AOAH: variants seen among roughly 807,000 people sequenced by gnomAD.
The protein encoded by AOAH is acyloxyacyl hydrolase.
AOAH carries 64 observed loss-of-function variants against 92.2 expected under a neutral mutation model. The ratio of observed to expected loss-of-function variants is 0.69; its 90% confidence interval spans 0.57 to 0.86. AOAH has a LOEUF of 0.86. Ranked by LOEUF, AOAH falls within the 40% of genes least tolerant of loss-of-function variation. AOAH has a pLI of 0.00. For missense variants in AOAH, 656 were observed against 694.6 expected, an observed-to-expected ratio of 0.94 and a Z score of 0.62; for synonymous variants, 263 against 254.5, an observed-to-expected ratio of 1.03 and a Z score of -0.32.
chr7:36,537,975 C>T (rs934891075), intron 16 of AOAH, among the ~76,000 whole-genome samples: 44 of 149,820 alleles, frequency 2.9e-4, no homozygotes, highest in African/African-American at 6.4e-4. Flanking sequence ...TTCCAAATTG[C>T]GTGGAGTCAT....
At chr7:36,606,926 A>AG (rs1791049582) in intron 11 of AOAH, among the ~76,000 whole-genome samples, 1 of 152,212 alleles carries the variant, frequency 6.6e-6, no homozygotes, top group African/African-American at 2.4e-5. Context: ...TTAAGAAGAA[A>AG]GGGAGCAGAC....
intron 12 of AOAH, among the ~76,000 whole-genome samples, chr7:36,578,459 C>G (rs1788690240): frequency 6.6e-6 from 1 of 152,166 alleles, no homozygotes; most frequent in Non-Finnish European, 1.5e-5. Flanking sequence ...GTGAGTCTCA[C>G]AGAACCAAAT....
rs903724670 is a variant in AOAH, at chr7:36,618,208, C to T, written c.751+89G>A. 1.5e-5 allele frequency: 17 copies of T among 1,136,982 alleles called. No individual in the cohort carries two copies. In the Admixed American group the frequency reaches 2.9e-4, roughly 20 times the overall value. The allele number at this position is 1,136,982 out of a possible 1,614,324, so 70.4% of individuals were successfully genotyped here. On this transcript the variant is annotated intron_variant, in intron 10 of 20. Transcript: ENST00000617537. ...AGTAAATCCTAGCATCAAGCACGTT[C>T]TGACTTAGGTGGTCTGCTCACTTCA...
At chr7:36,538,050 T>C (rs1785195170) in intron 16 of AOAH, among the ~76,000 whole-genome samples, 1 of 151,356 alleles carries the variant, frequency 6.6e-6, no homozygotes, top group African/African-American at 2.4e-5. Flanking sequence ...TTTGTTTGTT[T>C]GTTTTTCACT....
At chr7:36,721,077 C>T (rs1268638023) in intron 1 of AOAH, among the ~76,000 whole-genome samples, 9 of 152,132 alleles carry the variant, frequency 5.9e-5, no homozygotes, top group Non-Finnish European at 1.3e-4. Context: ...AGGTACACCC[C>T]AGGATCCCGT....
At position 36,530,527 on chromosome 7, in the gene AOAH, G is replaced by A. The variant is rs373194038; in HGVS notation, c.1426-13C>T. 1 of 1,556,092 alleles carries A rather than the reference G, an allele frequency of 6.4e-7. No individual in the cohort carries two copies. Among genetic ancestry groups the A allele is most frequent in the East Asian group, 2.2e-5 (1 of 44,572 alleles). On this transcript the variant is annotated splice_polypyrimidine_tract_variant and intron_variant, in intron 18 of 20. Coordinates refer to ENST00000617537, the MANE Select transcript of AOAH (RefSeq NM_001637.4). Reference sequence around the variant, plus strand: ...GTTGCTCTGCTCTCTGAAGAGAGAGGAAACAGGGAGAATTTCATGAAATCT... The same window carrying A: ...GTTGCTCTGCTCTCTGAAGAGAGAGAAAACAGGGAGAATTTCATGAAATCT...
At chr7:36,559,981 G>C (rs950056488) in intron 13 of AOAH, among the ~76,000 whole-genome samples, 1 of 152,024 alleles carries the variant, frequency 6.6e-6, no homozygotes, top group Non-Finnish European at 1.5e-5. Flanking sequence ...ATCATTTATT[G>C]AACAGGGAGT....
At chr7:36,620,219 C>T (rs936794988) in intron 9 of AOAH, among the ~76,000 whole-genome samples, 2 of 152,068 alleles carry the variant, frequency 1.3e-5, no homozygotes, top group Non-Finnish European at 2.9e-5. Flanking sequence ...GTAAGCTTAA[C>T]ACCCCACAAA....
At chr7:36,628,515 G>A (rs969004861) in intron 6 of AOAH, among the ~76,000 whole-genome samples, 1 of 152,124 alleles carries the variant, frequency 6.6e-6, no homozygotes, top group Non-Finnish European at 1.5e-5. Context: ...CTCTCCAGGA[G>A]CTTATGGGTG....
chr7:36,678,614 C>CGT, intron 2 of AOAH, among the ~76,000 whole-genome samples: 1 of 119,644 alleles, frequency 8.4e-6, no homozygotes, highest in South Asian at 2.6e-4. Context: ...CGCGCGCGCG[C>CGT]GTTAGAATTC....
At chr7:36,572,448 A>C (rs1165421618) in intron 13 of AOAH, among the ~76,000 whole-genome samples, 1 of 151,986 alleles carries the variant, frequency 6.6e-6, no homozygotes, top group East Asian at 1.9e-4. Flanking sequence ...ACTTGAGCCC[A>C]GTTGTTTGAG....
At chr7:36,530,396 A>C in intron 19 of AOAH, 22 bp downstream of exon 19, 245 of 1,538,450 alleles carry the variant, frequency 1.6e-4, no homozygotes, top group Non-Finnish European at 2.0e-4. Flanking sequence ...TCTTCTGTCA[A>C]TACCCAAACA....
chr7:36,609,740 C>T (rs1291435358), intron 11 of AOAH, among the ~76,000 whole-genome samples: 1 of 152,014 alleles, frequency 6.6e-6, no homozygotes, highest in Non-Finnish European at 1.5e-5. Context: ...CTTCTTCGTC[C>T]GCATTGCCCC....
chr7:36,611,946 G>A (rs138100703), intron 11 of AOAH, among the ~76,000 whole-genome samples: 2 of 152,314 alleles, frequency 1.3e-5, no homozygotes, highest in Non-Finnish European at 2.9e-5. Context: ...TTAGTTGTAT[G>A]ACCTTGGGCA....
intron 3 of AOAH, among the ~76,000 whole-genome samples, chr7:36,669,648 G>C (rs1401479603): frequency 6.6e-6 from 1 of 152,192 alleles, no homozygotes; most frequent in Non-Finnish European, 1.5e-5. Flanking sequence ...CTCCCAAAGT[G>C]CTGGGATTAC....
chr7:36,580,185 T>C (rs1469780908), intron 12 of AOAH, among the ~76,000 whole-genome samples: 2 of 152,206 alleles, frequency 1.3e-5, no homozygotes, highest in African/African-American at 4.8e-5. Flanking sequence ...CACTGATGAT[T>C]TCTTCCTTTC....
chr7:36,674,550 T>C (rs1796120280), intron 2 of AOAH, among the ~76,000 whole-genome samples: 1 of 152,242 alleles, frequency 6.6e-6, no homozygotes, highest in African/African-American at 2.4e-5. Context: ...TCCACACAAA[T>C]ACTCCTACTA....
intron 1 of AOAH, among the ~76,000 whole-genome samples, chr7:36,721,746 G>A (rs1799642828): frequency 6.6e-6 from 1 of 152,220 alleles, no homozygotes; most frequent in South Asian, 2.1e-4. Context: ...GTGAATGATA[G>A]AGATGACCAC....
chr7:36,678,043 C>G (rs1796365916), intron 2 of AOAH, among the ~76,000 whole-genome samples: 1 of 152,192 alleles, frequency 6.6e-6, no homozygotes, highest in South Asian at 2.1e-4. Flanking sequence ...GATGAACACG[C>G]AACTCTATGA....
Sources: allele counts gnomAD v4.1 joint callset (sites outside exome capture counted in the v4.1 genomes callset), GRCh38; gene constraint gnomAD v4.1.1; transcripts MANE v1.5; gene names NCBI Gene and HGNC (gene_info 2026-07-23, HGNC 2026-07-21).